The following TRIM39 variants were observed in gnomAD, a reference collection of about 807,000 sequenced individuals.
TRIM39 encodes the protein E3 ubiquitin-protein ligase TRIM39.
A neutral mutation model predicts 53.6 loss-of-function variants in TRIM39; 5 were observed. The ratio of observed to expected loss-of-function variants is 0.09; its 90% confidence interval spans 0.05 to 0.20. The LOEUF is 0.20. Ranked by LOEUF, TRIM39 falls within the 10% of genes least tolerant of loss-of-function variation. The pLI is 1.00. For missense variants in TRIM39, 310 were observed against 621.0 expected, an observed-to-expected ratio of 0.50 and a Z score of 5.32; for synonymous variants, 196 against 237.6, an observed-to-expected ratio of 0.82 and a Z score of 1.61.
chr6:30,327,750 A>G (rs1469896934), intron 1 of TRIM39: 2 of 152,350 alleles, frequency 1.3e-5, no homozygotes, highest in Admixed American at 6.5e-5. Context: ...GATCACCACA[A>G]GTCAAAGTTG....
rs759467959 is a variant in TRIM39 at position 30,335,995 on chromosome 6, A to T, written c.780+20A>T. ...CTTAAGGTTCGACCTTTGCCCCTGC[A>T]TAGCCCCTCAGGCTGAGTGCAGCGT... On this transcript the variant is annotated intron_variant, in intron 5 of 7. Transcript: ENST00000396551. The surrounding 1 kb of genome is among the most constrained non-coding windows in gnomAD (Gnocchi z 4.7). The T allele has an allele frequency of 1.2e-6, 2 of 1,612,666 alleles. No individual in the cohort carries two copies. The highest frequency in any genetic ancestry group is 2.2e-5 in the South Asian group (2 of 90,934).
At position 30,338,508 on chromosome 6, in the gene TRIM39, C is replaced by T. The variant is rs756652916; in HGVS notation, c.781-1400C>T. 7.0e-4 allele frequency among the ~76,000 whole-genome samples: 106 copies of T among 151,104 alleles called. 4 individuals are homozygous for T. Among genetic ancestry groups the T allele is most frequent in the Non-Finnish European group, 1.9e-4 (13 of 67,862 alleles). On this transcript the variant is annotated intron_variant, in intron 5 of 7. Coordinates refer to ENST00000396551, the Ensembl canonical transcript of TRIM39. The surrounding 1 kb of genome is among the most constrained non-coding windows in gnomAD (Gnocchi z 4.0). ...GTTAGAACACATAAAATATATTTAT[C>T]GATTAAGTTGTTCGTCTTATATGGA...
At chr6:30,331,297 A>AAG (rs9280946) in intron 4 of TRIM39, among the ~76,000 whole-genome samples, 74,282 of 149,934 alleles carry the variant, frequency 0.5, 18,666 homozygotes, top group Non-Finnish European at 0.54. Context: ...AACAAAAAAA[A>AAG]AAAGAACAAT....
At chr6:30,327,155 C>G (rs565092396) in intron 1 of TRIM39, 160 bp downstream of exon 1, 2 of 152,762 alleles carry the variant, frequency 1.3e-5, no homozygotes, top group African/African-American at 4.8e-5. Context: ...TTTGCCGCCC[C>G]GGCGACGTCA....
rs1204409761 is a variant in TRIM39, at chr6:30,329,822, G to A, written c.453+52G>A. The A allele has an allele frequency of 1.9e-6, 3 of 1,578,580 alleles. No homozygotes were observed. The African/African-American group carries it at 4.0e-5, about 21-fold the overall frequency. On this transcript the variant is annotated intron_variant, in intron 3 of 7. Transcript: ENST00000396551. ...TGTGGGTAAAAAGGGAGAAGCGGCA[G>A]AGGATGAGATACTCCCTAGGTAGAG...
Position 30,342,473 on chromosome 6 carries a change from G to A in TRIM39, c.*214G>A, listed in dbSNP as rs1787655767. On this transcript the variant is annotated 3_prime_UTR_variant, in exon 8 of 8. Coordinates refer to ENST00000396551, the Ensembl canonical transcript of TRIM39. The surrounding 1 kb of genome is among the most constrained non-coding windows in gnomAD (Gnocchi z 4.7). ...CTGTGACTTCCTCCTAACTGTCAGGGTGGGGAGCTGGTTCCCAGAGGATTG... is the reference window on the plus strand; with the variant it reads ...CTGTGACTTCCTCCTAACTGTCAGGATGGGGAGCTGGTTCCCAGAGGATTG... 2 of 604,468 alleles carry A rather than the reference G, an allele frequency of 3.3e-6. No homozygotes were observed. Among genetic ancestry groups the A allele is most frequent in the East Asian group, 2.8e-5 (1 of 36,170 alleles). The allele number at this position is 604,468 out of a possible 1,614,324, so 37.4% of individuals were successfully genotyped here.
exon 8 of TRIM39, chr6:30,341,959 G>A (rs1787601458): frequency 6.2e-7 from 1 of 1,612,996 alleles, no homozygotes; most frequent in Admixed American, 1.7e-5. Context: ...GAAAGGGCGA[G>A]TTGACTCCAC....
At chr6:30,340,146 A>G (rs1787326731) in intron 6 of TRIM39, 1 of 1,072,226 alleles carries the variant, frequency 9.3e-7, no homozygotes, top group Non-Finnish European at 1.4e-6. Context: ...ACTTCTTGAG[A>G]AGGAGAATGA....
rs1787626594 is a variant in TRIM39 at position 30,342,199 on chromosome 6, C to T, written c.1407C>T (p.Ile469=). The stretch of plus-strand genomic sequence containing the variant: ...TTTGGCCCCTCTTCTACCCAGGCAT[C>T]CGGGCTGGACGGAAGAATGCTGCAC... The change falls in exon 8 of 8, where the codon ATC becomes ATT. Residue 469 remains isoleucine, a synonymous_variant. Coordinates refer to ENST00000396551, the Ensembl canonical transcript of TRIM39. The surrounding 1 kb of genome is among the most constrained non-coding windows in gnomAD (Gnocchi z 4.7). 4 of 1,613,092 alleles carry T rather than the reference C, an allele frequency of 2.5e-6. No homozygotes were observed. Among genetic ancestry groups the T allele is most frequent in the Non-Finnish European group, 3.4e-6 (4 of 1,180,036 alleles).
At chr6:30,341,095 C>G (rs1276576883) in intron 7 of TRIM39, among the ~76,000 whole-genome samples, 1 of 151,906 alleles carries the variant, frequency 6.6e-6, no homozygotes, top group Non-Finnish European at 1.5e-5. Flanking sequence ...GTAATCCCAG[C>G]TCCTCTGGAG....
At chr6:30,327,889 G>A (rs1385239429) in intron 1 of TRIM39, among the ~76,000 whole-genome samples, 1 of 152,186 alleles carries the variant, frequency 6.6e-6, no homozygotes, top group African/African-American at 2.4e-5. Flanking sequence ...AATATATACA[G>A]GAACAATTGT....
chr6:30,330,944 C>A, intron 4 of TRIM39, 68 bp downstream of exon 4: 1 of 1,531,314 alleles, frequency 6.5e-7, no homozygotes, highest in Non-Finnish European at 8.9e-7. Context: ...TAACTGTACA[C>A]TATTTAATCC....
intron 4 of TRIM39, among the ~76,000 whole-genome samples, chr6:30,331,933 G>A (rs1263205822): frequency 2.6e-5 from 4 of 152,082 alleles, no homozygotes; most frequent in Non-Finnish European, 4.4e-5. Context: ...TTAGGTATCC[G>A]TAACATTCCA....
chr6:30,339,328 T>C lies in TRIM39; in HGVS notation c.781-580T>C, dbSNP rs972569341. 3.3e-5 allele frequency among the ~76,000 whole-genome samples: 5 copies of C among 152,104 alleles called. No homozygotes were observed. The highest frequency in any genetic ancestry group is 1.2e-4 in the African/African-American group (5 of 41,400). Reference sequence around the variant, plus strand: ...CACACCTGGCTAATTTTTGTATTTTTAGTAAAGACAGGGTTTCACCATGTT... The same window carrying C: ...CACACCTGGCTAATTTTTGTATTTTCAGTAAAGACAGGGTTTCACCATGTT... On this transcript the variant is annotated intron_variant, in intron 5 of 7. Coordinates refer to ENST00000396551, the Ensembl canonical transcript of TRIM39. The surrounding 1 kb of genome is among the most constrained non-coding windows in gnomAD (Gnocchi z 4.2).
chr6:30,333,754 C>T (rs1786508557), intron 4 of TRIM39, among the ~76,000 whole-genome samples: 1 of 152,104 alleles, frequency 6.6e-6, no homozygotes, highest in Admixed American at 6.6e-5. Context: ...TGGAGGAGTG[C>T]TTGCGTCATT....
At chr6:30,329,721 A>C (rs1295249394) in exon 3 of TRIM39, 1 of 1,613,060 alleles carries the variant, frequency 6.2e-7, no homozygotes, top group Non-Finnish European at 8.5e-7. Context: ...TCCCACACCC[A>C]CCGGGCCCAC....
chr6:30,336,067 T>C, intron 5 of TRIM39, 92 bp downstream of exon 5: 1 of 1,535,726 alleles, frequency 6.5e-7, no homozygotes, highest in African/African-American at 1.4e-5. Context: ...CTCATTCTTC[T>C]GCTCTCCTTC....
At chr6:30,334,877 G>A (rs1246874138) in intron 4 of TRIM39, among the ~76,000 whole-genome samples, 1 of 152,046 alleles carries the variant, frequency 6.6e-6, no homozygotes, top group Non-Finnish European at 1.5e-5. Flanking sequence ...CTGCAGATGT[G>A]CATTGCCATG....
In TRIM39 at chr6:30,339,843, A is replaced by G; in HGVS notation, c.781-65A>G. On this transcript the variant is annotated intron_variant, in intron 5 of 7. Transcript: ENST00000396551. The surrounding 1 kb of genome is among the most constrained non-coding windows in gnomAD (Gnocchi z 4.2). ...TGTGGAACTTTGGGGAGGAGGGGGA[A>G]CCTTTTGCCTTCAGGACCACTGAAT... 1.9e-6 allele frequency: 3 copies of G among 1,609,680 alleles called. No homozygotes were observed. The highest frequency in any genetic ancestry group is 2.5e-6 in the Non-Finnish European group (3 of 1,176,888).
Sources: gnomAD v4.1 joint callset for allele counts (sites outside exome capture counted in the v4.1 genomes callset) on GRCh38, gnomAD v4.1.1 for gene constraint, Gnocchi (gnomAD v3.1) non-coding constraint, MANE v1.5 for transcripts, NCBI Gene and HGNC (gene_info 2026-07-23, HGNC 2026-07-21) for gene names.